SLCO4C1: variants seen among roughly 807,000 people sequenced by gnomAD.
SLCO4C1 encodes solute carrier organic anion transporter family member 4C1.
Under a neutral mutation model 72.1 loss-of-function variants are expected in SLCO4C1, and 58 were observed. The observed-to-expected ratio is 0.80, with a 90% CI of 0.65 to 1.00. The LOEUF (loss-of-function observed/expected upper bound fraction) is 1.00, where lower values mean the gene tolerates loss of function less well. Among genes scored for constraint, SLCO4C1 ranks in the 50% least tolerant of loss-of-function variants. SLCO4C1 has a pLI of 0.00. For missense variants in SLCO4C1, 898 were observed against 857.9 expected (o/e 1.05, Z -0.58); for synonymous variants, 297 against 312.5 (o/e 0.95, Z 0.52).
intron 7 of SLCO4C1, 38 bp downstream of exon 7, chr5:102,257,905 A>C: frequency 6.4e-7 from 1 of 1,560,568 alleles, no homozygotes; most frequent in South Asian, 1.2e-5. Flanking sequence ...AATATAGTAA[A>C]GTAAAATTTT....
Position 102,249,751 on chromosome 5 carries a change from C to T in SLCO4C1, c.1507G>A (p.Ala503Thr). 6.2e-7 allele frequency: 1 copy of T among 1,613,822 alleles called. No individual in the cohort carries two copies. Among genetic ancestry groups the T allele is most frequent in the Non-Finnish European group, 8.5e-7 (1 of 1,179,886 alleles). The change falls in exon 9 of 13, where the codon GCC (alanine) becomes ACC (threonine). Residue 503 changes from alanine (A) to threonine (T), a missense_variant. Ala to Thr is a moderately conservative substitution (Grantham distance 58). Coordinates refer to ENST00000310954, the MANE Select transcript of SLCO4C1 (RefSeq NM_180991.5). ...ELGNLIAPCN[A>T]NCNCSRSYYY... is the part of the protein sequence containing the mutation. ...TATGATCGCGAACAGTTACAATTGG[C>T]ATTACAAGGGGCTATCAAGTTTCCC...
At chr5:102,263,458 AT>A (rs1748978577) in intron 4 of SLCO4C1, among the ~76,000 whole-genome samples, 1 of 152,086 alleles carries the variant, frequency 6.6e-6, no homozygotes, top group Non-Finnish European at 1.5e-5. Context: ...TTTATTAAAT[AT>A]TATTTATGAA....
intron 2 of SLCO4C1, among the ~76,000 whole-genome samples, chr5:102,286,243 G>A (rs1039298891): frequency 6.6e-6 from 1 of 152,060 alleles, no homozygotes; most frequent in Non-Finnish European, 1.5e-5. Flanking sequence ...AAGATATAGT[G>A]CAACGTAGGA....
chr5:102,236,921 C>A lies in SLCO4C1; in HGVS notation c.2112G>T (p.Glu704Asp). ...PSATDVSFHK[E>D]NAVVTNVLAE... ...CTAAAACATTAGTCACAACTGCATT[C>A]TCTTTATGAAATGACACATCTGTGG... Residue 704 changes from glutamate (E) to aspartate (D), a missense_variant, in exon 13 of 13, where the codon GAG (glutamate) becomes GAT (aspartate). Glu to Asp is a conservative substitution (Grantham distance 45). Transcript: ENST00000310954. The A allele has an allele frequency of 1.2e-6, 2 of 1,612,844 alleles. No individual in the cohort carries two copies. The highest frequency in any genetic ancestry group is 1.7e-6 in the Non-Finnish European group (2 of 1,179,668).
chr5:102,295,369 A>T (rs1749629254), intron 1 of SLCO4C1, among the ~76,000 whole-genome samples: 1 of 152,216 alleles, frequency 6.6e-6, no homozygotes, highest in South Asian at 2.1e-4. Flanking sequence ...TGGTGACCAC[A>T]TACTCTCAAA....
chr5:102,282,173 T>C (rs1480006253), intron 2 of SLCO4C1, among the ~76,000 whole-genome samples: 1 of 152,088 alleles, frequency 6.6e-6, no homozygotes, highest in African/African-American at 2.4e-5. Flanking sequence ...ACCGTATAAT[T>C]ATTGAAATAT....
intron 2 of SLCO4C1, among the ~76,000 whole-genome samples, chr5:102,288,784 A>G (rs1020121639): frequency 2.0e-5 from 3 of 152,304 alleles, no homozygotes; most frequent in African/African-American, 7.2e-5. Flanking sequence ...GCTCTTCACT[A>G]TCCAGATATT....
intron 2 of SLCO4C1, among the ~76,000 whole-genome samples, chr5:102,290,400 AT>A (rs1749530597): frequency 6.6e-6 from 1 of 152,182 alleles, no homozygotes; most frequent in African/African-American, 2.4e-5. Flanking sequence ...CACTGACCCC[AT>A]TCCCAGGGCA....
Position 102,296,086 on chromosome 5 carries a change from T to C in SLCO4C1, c.177A>G (p.Pro59=), listed in dbSNP as rs10479190. Residue 59 remains proline, a synonymous_variant, in exon 1 of 13, where the codon CCA becomes CCG. Coordinates refer to ENST00000310954, the MANE Select transcript of SLCO4C1 (RefSeq NM_180991.5). ...LQKPQEPQKS[P]EPSLPSAPPN... is the part of the protein sequence containing the mutation. The stretch of plus-strand genomic sequence containing the variant: ...GAGGGGCTGAAGGCAGAGATGGCTC[T>C]GGTGACTTCTGGGGCTCCTGGGGCT... 6.2e-7 allele frequency: 1 copy of C among 1,614,100 alleles called. No homozygotes were observed. Among genetic ancestry groups the C allele is most frequent in the Non-Finnish European group, 8.5e-7 (1 of 1,179,986 alleles).
At chr5:102,251,221 G>A (rs996093910) in intron 8 of SLCO4C1, among the ~76,000 whole-genome samples, 1 of 152,138 alleles carries the variant, frequency 6.6e-6, no homozygotes, top group African/African-American at 2.4e-5. Flanking sequence ...AATCGTTAAG[G>A]TATTTTTAGA....
At chr5:102,277,363 G>C (rs1405147824) in intron 2 of SLCO4C1, among the ~76,000 whole-genome samples, 1 of 150,898 alleles carries the variant, frequency 6.6e-6, no homozygotes, top group African/African-American at 2.4e-5. Flanking sequence ...CTCACCCCTC[G>C]TGCCAGTGAA....
intron 10 of SLCO4C1, among the ~76,000 whole-genome samples, chr5:102,245,222 C>A (rs1748615114): frequency 6.6e-6 from 1 of 152,028 alleles, no homozygotes; most frequent in South Asian, 2.1e-4. Flanking sequence ...TCTAAAAGAA[C>A]TAAACTCTCT....
At position 102,280,112 on chromosome 5, in the gene SLCO4C1, AAAAAG is replaced by A. The variant is rs1352823399; in HGVS notation, c.620-9311_620-9307del. 7.3e-3 allele frequency among the ~76,000 whole-genome samples: 1,071 copies of A among 147,238 alleles called. 13 individuals carry two copies. The highest frequency in any genetic ancestry group is 0.026 in the African/African-American group (1,022 of 38,820). ...AGGCAAAAAAAAAAAAAAAAAAAAA[AAAAAG>A]AGAAAGAAAATTAGTGCCATACAGA... On this transcript the variant is annotated intron_variant, in intron 2 of 12. Coordinates refer to ENST00000310954, the MANE Select transcript of SLCO4C1 (RefSeq NM_180991.5).
In SLCO4C1 at chr5:102,291,493, A is replaced by G; in HGVS notation, c.469T>C (p.Leu157=). The change falls in exon 2 of 13, where the codon TTG becomes CTG. Residue 157 remains leucine, a synonymous_variant. Transcript: ENST00000310954. ...ISSSYDISFC[L]LSLFVSFFGE... is the part of the protein sequence containing the mutation. The stretch of plus-strand genomic sequence containing the variant: ...AAGAATGATACAAATAAAGACAACA[A>G]ACAGAATGAAATATCGTAGCTTGAT... 1 of 1,614,144 alleles carries G rather than the reference A, an allele frequency of 6.2e-7. No homozygotes were observed. Among genetic ancestry groups the G allele is most frequent in the Middle Eastern group, 1.6e-4 (1 of 6,062 alleles).
At chr5:102,258,272 T>C (rs1313167316) in intron 6 of SLCO4C1, among the ~76,000 whole-genome samples, 185 bp from the exon 7 acceptor site, 2 of 152,200 alleles carry the variant, frequency 1.3e-5, no homozygotes, top group Non-Finnish European at 2.9e-5. Flanking sequence ...TGAGAAAATT[T>C]ATATGTGGAA....
In SLCO4C1 at chr5:102,234,543, A is replaced by G. The variant is rs1748399342; in HGVS notation, c.*2315T>C. 1 of 152,454 alleles carries G rather than the reference A, an allele frequency of 6.6e-6. No homozygotes were observed. The highest frequency in any genetic ancestry group is 1.5e-5 in the Non-Finnish European group (1 of 68,032). The allele number at this position is 152,454 out of a possible 1,614,324, so 9.4% of individuals were successfully genotyped here. A position where few individuals can be genotyped will look rare whatever the true frequency, so the allele number is the denominator to read the frequency against. Reference sequence around the variant, plus strand: ...TATATAAAATACAATGCAGCCCTTGATAGCTAAGAATCTTTATAAACGCCA... The same window carrying G: ...TATATAAAATACAATGCAGCCCTTGGTAGCTAAGAATCTTTATAAACGCCA... On this transcript the variant is annotated 3_prime_UTR_variant, in exon 13 of 13. Transcript: ENST00000310954.
intron 8 of SLCO4C1, among the ~76,000 whole-genome samples, chr5:102,250,235 A>G (rs1748713632): frequency 6.6e-6 from 1 of 152,180 alleles, no homozygotes; most frequent in South Asian, 2.1e-4. Flanking sequence ...GAACAAAATC[A>G]TGCTGTTGAA....
intron 10 of SLCO4C1, among the ~76,000 whole-genome samples, chr5:102,242,713 C>T (rs189542236): frequency 1.3e-5 from 2 of 152,260 alleles, no homozygotes; most frequent in Admixed American, 6.5e-5. Context: ...CCAGATACTA[C>T]ATTGAGGGCG....
At chr5:102,242,339 G>A (rs761414113) in intron 10 of SLCO4C1, among the ~76,000 whole-genome samples, 12 of 152,306 alleles carry the variant, frequency 7.9e-5, no homozygotes, top group Middle Eastern at 3.4e-3. Flanking sequence ...GGAGGCACAC[G>A]TGACATACTG....
Sources: allele counts gnomAD v4.1 joint callset (sites outside exome capture counted in the v4.1 genomes callset), GRCh38; gene constraint gnomAD v4.1.1; transcripts MANE v1.5; gene names NCBI Gene and HGNC (gene_info 2026-07-23, HGNC 2026-07-21).